Variants in SIK2 observed in about 807,000 individuals in gnomAD.
SIK2 encodes the protein salt inducible kinase 2.
A neutral mutation model predicts 103.2 loss-of-function variants in SIK2; 29 were observed. The ratio of observed to expected loss-of-function variants is 0.28; its 90% CI spans 0.21 to 0.38. SIK2 has a LOEUF of 0.38. SIK2 is among the 10% of genes least tolerant of loss of function. SIK2 has a pLI of 1.00. For synonymous variants in SIK2, 412 were observed against 446.1 expected (o/e 0.92, Z 0.96); for missense variants, 879 against 1,171.0 (o/e 0.75, Z 3.64).
At position 111,712,230 on chromosome 11, in the gene SIK2, C is replaced by T; in HGVS notation, c.1121C>T (p.Pro374Leu). Residue 374 changes from proline (P) to leucine (L), a missense_variant, in exon 9 of 15, where the codon CCA becomes CTA. Pro to Leu is a moderately conservative substitution (Grantham distance 98). This residue lies in a region of SIK2 where 222 missense variants were observed against 258.0 expected (regional missense o/e 0.86). Transcript: ENST00000304987. ...TTACAGGCACAGACTGTGGGGCTCC[C>T]AGTGACCATGCATTCACCGAACATG... The part of the protein sequence containing the change: ...TVAKAQTVGL[P>L]VTMHSPNMRL... The T allele has an allele frequency of 6.2e-7, 1 of 1,614,232 alleles. No individual in the cohort carries two copies. The highest frequency in any genetic ancestry group is 2.2e-5 in the East Asian group (1 of 44,888).
intron 3 of SIK2, among the ~76,000 whole-genome samples, chr11:111,641,374 A>G (rs956955480): frequency 2.6e-5 from 4 of 152,170 alleles, no homozygotes; most frequent in Non-Finnish European, 5.9e-5. Flanking sequence ...CTCCTCCTAA[A>G]TAAGCTCTTC....
intron 3 of SIK2, among the ~76,000 whole-genome samples, chr11:111,651,413 C>T (rs759552084): frequency 3.9e-5 from 6 of 152,176 alleles, no homozygotes; most frequent in Non-Finnish European, 8.8e-5. Flanking sequence ...CCATTATCCT[C>T]AGCAAACTAA....
In SIK2 at chr11:111,727,187, G is replaced by C; in HGVS notation, c.*3058G>C. The stretch of plus-strand genomic sequence containing the variant: ...ACTGCCTTCTGTCACCGTGGGAAAA[G>C]GAGGCTGATGGTTCTCTACACCATC... On this transcript the variant is annotated 3_prime_UTR_variant, in exon 15 of 15. Transcript: ENST00000304987. 4 of 734,034 alleles carry C rather than the reference G, an allele frequency of 5.4e-6. No individual in the cohort carries two copies. In the Admixed American group the frequency reaches 8.8e-5, roughly 16 times the overall value. 45.5% of individuals were successfully genotyped at this position (734,034 alleles called of 1,614,324 possible). A position where few individuals can be genotyped will look rare whatever the true frequency, so the allele number is the denominator to read the frequency against.
At chr11:111,633,633 T>A (rs1238220012) in intron 3 of SIK2, among the ~76,000 whole-genome samples, 1 of 152,176 alleles carries the variant, frequency 6.6e-6, no homozygotes, top group East Asian at 1.9e-4. Context: ...TACTGAGCAG[T>A]TTTTGAGTGC....
intron 4 of SIK2, among the ~76,000 whole-genome samples, chr11:111,689,969 T>C (rs903083189): frequency 2.2e-5 from 3 of 137,870 alleles, no homozygotes; most frequent in Non-Finnish European, 3.1e-5. Context: ...TATTCATTTG[T>C]GTGTGTGTGT....
chr11:111,730,099 ATTAC>A lies in SIK2; in HGVS notation c.*5973_*5976del, dbSNP rs1430434951. On this transcript the variant is annotated 3_prime_UTR_variant, in exon 15 of 15. Transcript: ENST00000304987. ...CAAGCCCCATCAACTAGAAGTGCTT[ATTAC>A]TTTTAGGATTAAAAAAGTAATAACA... 1 of 152,254 alleles carries A rather than the reference ATTAC, an allele frequency of 6.6e-6. No individual in the cohort carries two copies. The highest frequency in any genetic ancestry group is 1.5e-5 in the Non-Finnish European group (1 of 68,050). The allele number at this position is 152,254 out of a possible 1,614,324, so 9.4% of individuals were successfully genotyped here. A position where few individuals can be genotyped will look rare whatever the true frequency, so the allele number is the denominator to read the frequency against.
intron 3 of SIK2, among the ~76,000 whole-genome samples, chr11:111,678,569 G>A (rs1240951994): frequency 6.6e-6 from 1 of 152,136 alleles, no homozygotes; most frequent in African/African-American, 2.4e-5. Flanking sequence ...CATTGACTGA[G>A]ATATTTAGGG....
Position 111,721,892 on chromosome 11 carries a change from G to A in SIK2, c.2007G>A (p.Leu669=), listed in dbSNP as rs761569466. The part of the protein sequence containing the change: ...STLPASVHPQ[L]SPRQSLETQY... ...TCCCTGCCAGCGTGCATCCCCAGCT[G>A]TCCCCACGGCAGAGCCTGGAGACCC... Residue 669 remains leucine (L), a synonymous_variant, in exon 13 of 15, where the codon CTG becomes CTA. Transcript: ENST00000304987. 6.2e-7 allele frequency: 1 copy of A among 1,612,204 alleles called. No homozygotes were observed.
At chr11:111,621,616 A>G (rs1348375990) in intron 3 of SIK2, among the ~76,000 whole-genome samples, 1 of 152,196 alleles carries the variant, frequency 6.6e-6, no homozygotes. Context: ...CACTTCGCAT[A>G]TAATATAAGA....
rs1410374983 is a variant in SIK2, at chr11:111,725,797, AGTCCCTGTTGCTGGCCAGAGACTGCCTG to A, written c.*1672_*1699del. 1.3e-5 allele frequency: 2 copies of A among 152,642 alleles called. No individual in the cohort carries two copies. Among genetic ancestry groups the A allele is most frequent in the Non-Finnish European group, 2.9e-5 (2 of 68,048 alleles). 9.5% of individuals were successfully genotyped at this position (152,642 alleles called of 1,614,324 possible). On this transcript the variant is annotated 3_prime_UTR_variant, in exon 15 of 15. Coordinates refer to ENST00000304987, the MANE Select transcript of SIK2 (RefSeq NM_015191.3). The stretch of plus-strand genomic sequence containing the variant: ...TCCTACCAACGTCGGTAACTTGAGC[AGTCCCTGTTGCTGGCCAGAGACTGCCTG>A]GTCGCCAGCGCTCACCATGGGTGCC...
At chr11:111,669,461 T>C (rs1181381152) in intron 3 of SIK2, among the ~76,000 whole-genome samples, 1 of 152,182 alleles carries the variant, frequency 6.6e-6, no homozygotes, top group African/African-American at 2.4e-5. Context: ...TCAGGCATGG[T>C]GGTGCATGCC....
chr11:111,709,715 G>A (rs187041956), intron 8 of SIK2, among the ~76,000 whole-genome samples: 1 of 152,228 alleles, frequency 6.6e-6, no homozygotes, highest in East Asian at 1.9e-4. Context: ...AGACTCCTTT[G>A]GTCCCCTCAG....
At chr11:111,620,463 G>T (rs1941867086) in intron 3 of SIK2, 61 bp downstream of exon 3, 4 of 1,034,574 alleles carry the variant, frequency 3.9e-6, no homozygotes, top group Non-Finnish European at 5.8e-6. Context: ...GCATGAATGG[G>T]GTATTTTCTG....
intron 4 of SIK2, among the ~76,000 whole-genome samples, chr11:111,693,331 CAA>C (rs1306377241): frequency 8.5e-5 from 8 of 93,592 alleles, no homozygotes; most frequent in African/African-American, 8.1e-5. Context: ...GACTCCGTCT[CAA>C]AAAAAAAAAA....
intron 3 of SIK2, among the ~76,000 whole-genome samples, chr11:111,625,623 A>G (rs1392101005): frequency 6.6e-6 from 1 of 152,216 alleles, no homozygotes; most frequent in Non-Finnish European, 1.5e-5. Context: ...AATGATGCCG[A>G]TAGATCAAAA....
In SIK2 at chr11:111,620,320, T is replaced by A. The variant is rs1322221782; in HGVS notation, c.253-19T>A. ...CCAGTACATTTCTGTCAGACTAATATGGAATTATTTATCAATAGGTAATGG... is the reference window on the plus strand; with the variant it reads ...CCAGTACATTTCTGTCAGACTAATAAGGAATTATTTATCAATAGGTAATGG... On this transcript the variant is annotated intron_variant, in intron 2 of 14. Coordinates refer to ENST00000304987, the MANE Select transcript of SIK2 (RefSeq NM_015191.3). 1 of 1,487,636 alleles carries A rather than the reference T, an allele frequency of 6.7e-7. No homozygotes were observed. The allele number at this position is 1,487,636 out of a possible 1,614,324, so 92.2% of individuals were successfully genotyped here. A position where few individuals can be genotyped will look rare whatever the true frequency, so the allele number is the denominator to read the frequency against.
intron 8 of SIK2, among the ~76,000 whole-genome samples, chr11:111,707,590 C>T (rs1943385455): frequency 6.6e-6 from 1 of 152,130 alleles, no homozygotes; most frequent in African/African-American, 2.4e-5. Flanking sequence ...AACAGGCCCC[C>T]TCCTCTCAGA....
At chr11:111,675,614 T>C (rs1223471084) in intron 3 of SIK2, among the ~76,000 whole-genome samples, 1 of 152,212 alleles carries the variant, frequency 6.6e-6, no homozygotes, top group Admixed American at 6.5e-5. Context: ...GGGCTTGACT[T>C]TTCATGAACT....
chr11:111,625,260 G>A (rs1941946554), intron 3 of SIK2, among the ~76,000 whole-genome samples: 1 of 152,182 alleles, frequency 6.6e-6, no homozygotes. Context: ...TTGAGAATGG[G>A]AAAGGGTGGA....
Sources: gnomAD v4.1 joint callset for allele counts (sites outside exome capture counted in the v4.1 genomes callset) on GRCh38, gnomAD v4.1.1 for gene constraint, gnomAD v4.1.1 regional missense constraint, MANE v1.5 for transcripts, NCBI Gene and HGNC (gene_info 2026-07-23, HGNC 2026-07-21) for gene names.